CCDC57: variants seen among roughly 807,000 people sequenced by gnomAD.
CCDC57 encodes coiled-coil domain-containing protein 57.
Under a neutral mutation model 118.9 loss-of-function variants are expected in CCDC57, and 118 were observed. That is an observed-to-expected ratio of 0.99 (90% CI 0.86 to 1.16). The LOEUF is 1.16. Ranked by LOEUF, CCDC57 falls within the 50% of genes most tolerant of loss-of-function variation. CCDC57 has a pLI of 0.00. For synonymous variants in CCDC57, 527 were observed against 532.9 expected, an observed-to-expected ratio of 0.99 and a Z score of 0.15; for missense variants, 1,300 against 1,320.7, an observed-to-expected ratio of 0.98 and a Z score of 0.24.
chr17:82,128,544 CTGG>C, exon 18 of CCDC57: 1 of 1,575,334 alleles, frequency 6.3e-7, no homozygotes, highest in South Asian at 1.2e-5. Context: ...CTGAGCGGGG[CTGG>C]TGCTTTCCCA....
intron 7 of CCDC57, among the ~76,000 whole-genome samples, chr17:82,193,383 C>T (rs769150426): frequency 3.3e-5 from 5 of 151,958 alleles, no homozygotes; most frequent in Non-Finnish European, 5.9e-5. Context: ...CCTGTCTCTA[C>T]TAAAAATACA....
chr17:82,102,486 G>A (rs886416795), intron 19 of CCDC57, among the ~76,000 whole-genome samples: 4 of 152,234 alleles, frequency 2.6e-5, no homozygotes, highest in South Asian at 2.1e-4. Context: ...GAGGGGTGTT[G>A]TAGGTGATCT....
intron 17 of CCDC57, among the ~76,000 whole-genome samples, chr17:82,132,301 A>G (rs2038512776): frequency 6.6e-6 from 1 of 152,068 alleles, no homozygotes; most frequent in Non-Finnish European, 1.5e-5. Flanking sequence ...AGAAAACCCC[A>G]AAATCAATGC....
At chr17:82,204,064 C>G (rs983701736) in intron 2 of CCDC57, among the ~76,000 whole-genome samples, 1 of 152,150 alleles carries the variant, frequency 6.6e-6, no homozygotes, top group Non-Finnish European at 1.5e-5. Flanking sequence ...AGGGCACACC[C>G]GCTGGGGGCA....
At chr17:82,204,064 C>A (rs983701736) in intron 2 of CCDC57, among the ~76,000 whole-genome samples, 3 of 152,150 alleles carry the variant, frequency 2.0e-5, no homozygotes, top group Non-Finnish European at 2.9e-5. Flanking sequence ...AGGGCACACC[C>A]GCTGGGGGCA....
chr17:82,101,602 C>A (rs1346994707), exon 20 of CCDC57: 4 of 1,236,858 alleles, frequency 3.2e-6, no homozygotes, highest in Middle Eastern at 2.1e-4. Context: ...CCCACACCCC[C>A]CCACAACACG....
At chr17:82,140,633 T>C (rs1032981522) in intron 16 of CCDC57, among the ~76,000 whole-genome samples, 1 of 152,218 alleles carries the variant, frequency 6.6e-6, no homozygotes, top group Non-Finnish European at 1.5e-5. Context: ...ATCTTTGTTT[T>C]TTACCAGGAC....
chr17:82,105,069 G>A (rs543402888), intron 19 of CCDC57: 3 of 152,490 alleles, frequency 2.0e-5, no homozygotes, highest in South Asian at 4.1e-4. Context: ...AGGCTGCTCC[G>A]GGCTCTCTGG....
intron 19 of CCDC57, chr17:82,126,769 T>C: frequency 1.0e-6 from 1 of 985,448 alleles, no homozygotes; most frequent in Non-Finnish European, 1.2e-6. Context: ...CACTGCAGCC[T>C]GTAAGGTTAC....
intron 10 of CCDC57, 137 bp from the exon 10 acceptor site, chr17:82,178,742 T>C (rs2045834919): frequency 4.6e-6 from 6 of 1,313,108 alleles, no homozygotes; most frequent in Non-Finnish European, 6.1e-6. Flanking sequence ...GCCAAACCCT[T>C]CCTGCCCATG....
intron 1 of CCDC57, among the ~76,000 whole-genome samples, chr17:82,209,752 G>A (rs1013937993): frequency 1.3e-5 from 2 of 152,154 alleles, no homozygotes; most frequent in African/African-American, 2.4e-5. Context: ...TTCCCAAAGT[G>A]GTGGGACTAC....
intron 4 of CCDC57, among the ~76,000 whole-genome samples, chr17:82,196,583 G>A (rs1047763905): frequency 5.9e-5 from 9 of 152,236 alleles, no homozygotes; most frequent in Admixed American, 3.3e-4. Context: ...CCCAACATCC[G>A]ACAGGACCAG....
At chr17:82,168,567 C>T (rs1478727762) in intron 13 of CCDC57, among the ~76,000 whole-genome samples, 3 of 152,258 alleles carry the variant, frequency 2.0e-5, no homozygotes. Context: ...CACTGCACTC[C>T]AGCCTGGGCA....
At position 82,121,511 on chromosome 17, in the gene CCDC57, T is replaced by C. The variant is rs115909682; in HGVS notation, c.2899+6181A>G. Among the ~76,000 whole-genome samples, 1,380 of 152,348 alleles carry C rather than the reference T, an allele frequency of 9.1e-3. 17 individuals are homozygous for C. Among genetic ancestry groups the C allele is most frequent in the African/African-American group, 0.032 (1,326 of 41,596 alleles). On this transcript the variant is annotated intron_variant, in intron 19 of 19. Transcript: ENST00000665763. ...ACAGCCAGGAGATGGACAGCAGGTC[T>C]GCTGAGGGCTCTGGGCAGCTTCTCC...
intron 13 of CCDC57, among the ~76,000 whole-genome samples, chr17:82,168,831 A>G (rs928808242): frequency 3.3e-5 from 5 of 151,930 alleles, no homozygotes; most frequent in Admixed American, 2.6e-4. Flanking sequence ...ATCTAACAAC[A>G]AAGATACAAA....
At chr17:82,198,287 A>G (rs1309426519) in intron 4 of CCDC57, 27 bp downstream of exon 3, 1 of 1,458,512 alleles carries the variant, frequency 6.9e-7, no homozygotes, top group African/African-American at 1.4e-5. Flanking sequence ...GAAAGCACCC[A>G]GGAAGGGGCC....
chr17:82,150,151 TGACCCACACCCAGAACCA>T (rs2041713516), intron 16 of CCDC57, among the ~76,000 whole-genome samples: 4 of 101,488 alleles, frequency 3.9e-5, no homozygotes, highest in East Asian at 2.9e-4. Flanking sequence ...ACCCAGAACC[TGACCCACACCCAGAACCA>T]GGTGCACACC....
chr17:82,128,562 T>G (rs1240035695), exon 18 of CCDC57: 1 of 1,572,922 alleles, frequency 6.4e-7, no homozygotes. Context: ...TTCCCAAGTG[T>G]CTGGAAGGAG....
intron 1 of CCDC57, among the ~76,000 whole-genome samples, chr17:82,209,247 G>A (rs755952988): frequency 1.3e-5 from 2 of 152,138 alleles, no homozygotes; most frequent in East Asian, 3.8e-4. Context: ...TTCTTTGAAC[G>A]TGCATTTGCC....
Sources: allele counts gnomAD v4.1 joint callset (sites outside exome capture counted in the v4.1 genomes callset), GRCh38; gene constraint gnomAD v4.1.1; transcripts MANE v1.5; gene names NCBI Gene and HGNC (gene_info 2026-07-23, HGNC 2026-07-21).